The following UCKL1 variants were observed in gnomAD, a reference collection of about 807,000 sequenced individuals.
UCKL1 encodes uridine-cytidine kinase-like 1.
A neutral mutation model predicts 59.2 loss-of-function variants in UCKL1; 65 were observed. That is an observed-to-expected ratio of 1.10 (90% CI 0.90 to 1.35). UCKL1 has a LOEUF of 1.35. Among genes scored for constraint, UCKL1 ranks in the 40% most tolerant of loss-of-function variants. The pLI is 0.00. For missense variants in UCKL1, 703 were observed against 784.3 expected (o/e 0.90, Z 1.24); for synonymous variants, 410 against 323.1 (o/e 1.27, Z -2.88).
chr20:63,947,308 T>A (rs1220716688), intron 1 of UCKL1, among the ~76,000 whole-genome samples: 2 of 152,208 alleles, frequency 1.3e-5, no homozygotes, highest in Non-Finnish European at 2.9e-5. Context: ...GGACTCAAGG[T>A]GGGCCTGTGA....
chr20:63,951,355 G>C (rs1323595776), intron 1 of UCKL1, among the ~76,000 whole-genome samples: 1 of 152,124 alleles, frequency 6.6e-6, no homozygotes, highest in Non-Finnish European at 1.5e-5. Context: ...TGCGCCGTGT[G>C]CCTGCACCCC....
At position 63,939,954 on chromosome 20, in the gene UCKL1, G is replaced by T; in HGVS notation, c.*22C>A. 1 of 1,609,848 alleles carries T rather than the reference G, an allele frequency of 6.2e-7. No individual in the cohort carries two copies. Among genetic ancestry groups the T allele is most frequent in the Non-Finnish European group, 8.5e-7 (1 of 1,177,378 alleles). On this transcript the variant is annotated 3_prime_UTR_variant, in exon 15 of 15. Coordinates refer to ENST00000354216, the MANE Select transcript of UCKL1 (RefSeq NM_017859.4). ...CAGGAGGCAGGAGGAGGGTGGTGGGGACGGGATGGCTCACTGGGCAGCTAA... is the reference window on the plus strand; with the variant it reads ...CAGGAGGCAGGAGGAGGGTGGTGGGTACGGGATGGCTCACTGGGCAGCTAA...
chr20:63,942,007 C>A (rs943674804), intron 8 of UCKL1, among the ~76,000 whole-genome samples: 1 of 128,464 alleles, frequency 7.8e-6, no homozygotes, highest in East Asian at 2.4e-4. Flanking sequence ...GGGAAAGGGG[C>A]GGGGCCGGGA....
chr20:63,956,209 C>A, intron 1 of UCKL1, 51 bp downstream of exon 1: 1 of 1,447,608 alleles, frequency 6.9e-7, no homozygotes, highest in Non-Finnish European at 9.1e-7. Flanking sequence ...TCGGCCGGAT[C>A]TGCAGCCCCT....
In UCKL1 at chr20:63,940,854, G is replaced by A. The variant is rs2146351100; in HGVS notation, c.1119C>T (p.Asp373=). 1 of 1,539,486 alleles carries A rather than the reference G, an allele frequency of 6.5e-7. No homozygotes were observed. Among genetic ancestry groups the A allele is most frequent in the East Asian group, 2.3e-5 (1 of 44,208 alleles). The change falls in exon 11 of 15, where the codon GAC becomes GAT. Residue 373 remains aspartate, a splice_region_variant and synonymous_variant. Transcript: ENST00000354216. The stretch of plus-strand genomic sequence containing the variant: ...GCCCCTGCGGGGTCTGTACGACGCA[G>A]TCCTGTGGGGTGCAGGGTGAGGACT... ...EHALSFLPFQ[D]CVVQTPQGQD...
rs1038114878 is a variant in UCKL1 at position 63,945,837 on chromosome 20, C to T, written c.550G>A (p.Asp184Asn). 1 of 1,613,656 alleles carries T rather than the reference C, an allele frequency of 6.2e-7. No homozygotes were observed. The highest frequency in any genetic ancestry group is 2.2e-5 in the East Asian group (1 of 44,880). The change falls in exon 4 of 15, where the codon GAC becomes AAC. Residue 184 changes from aspartate to asparagine, a missense_variant. Physicochemically the swap from Asp to Asn is conservative, Grantham distance 23. Transcript: ENST00000354216. ...QGKSVKVPIY[D>N]FTTHSRKKDW... ...TTCTTCCGGCTGTGCGTGGTGAAGT[C>T]ATAAATGGGCACCTTGACACTCTTC... is the stretch of plus-strand genomic sequence containing the variant.
chr20:63,940,326 G>A lies in UCKL1; in HGVS notation c.1411-20C>T, dbSNP rs893836133. ...GTGGTCCTACCGAGTGTATTGGGCA[G>A]GTAAATCCCACCTCTGCCTGAACCT... On this transcript the variant is annotated intron_variant, in intron 13 of 14. Coordinates refer to ENST00000354216, the MANE Select transcript of UCKL1 (RefSeq NM_017859.4). The A allele has an allele frequency of 6.2e-6, 10 of 1,611,958 alleles. No individual in the cohort carries two copies. Among genetic ancestry groups the A allele is most frequent in the Non-Finnish European group, 8.5e-6 (10 of 1,179,542 alleles).
Position 63,941,671 on chromosome 20 carries a change from G to A in UCKL1, c.924-463C>T, listed in dbSNP as rs1273751515. 7 of 216,524 alleles carry A rather than the reference G, an allele frequency of 3.2e-5. No homozygotes were observed. The South Asian group carries it at 4.3e-4, about 13-fold the overall frequency. The allele number at this position is 216,524 out of a possible 1,614,324, so 13.4% of individuals were successfully genotyped here. Reference sequence around the variant, plus strand: ...AGGTGGTGCGCGGCCCCTCAAGAGAGGGGGGTGGGGGGCAAAGCTGGCTCA... The same window carrying A: ...AGGTGGTGCGCGGCCCCTCAAGAGAAGGGGGTGGGGGGCAAAGCTGGCTCA... On this transcript the variant is annotated intron_variant, in intron 8 of 14. Transcript: ENST00000354216.
rs145670009 is a variant in UCKL1 at position 63,942,422 on chromosome 20, C to T, written c.924-1214G>A. On this transcript the variant is annotated intron_variant, in intron 8 of 14. Transcript: ENST00000354216. Reference sequence around the variant, plus strand: ...CTAGCGGGAGCAGCGGGGCAAGGGGCTACGGGAAGGCGGGTCACACAGCAG... The same window carrying T: ...CTAGCGGGAGCAGCGGGGCAAGGGGTTACGGGAAGGCGGGTCACACAGCAG... 5.6e-4 allele frequency: 656 copies of T among 1,171,900 alleles called. 5 individuals carry two copies. In the African/African-American group the frequency reaches 1.0e-2, roughly 18 times the overall value. 72.6% of individuals were successfully genotyped at this position (1,171,900 alleles called of 1,614,324 possible).
chr20:63,944,656 G>C lies in UCKL1; in HGVS notation c.733C>G (p.Arg245Gly), dbSNP rs750379534. 1 of 1,612,810 alleles carries C rather than the reference G, an allele frequency of 6.2e-7. No individual in the cohort carries two copies. The change falls in exon 6 of 15, where the codon CGC becomes GGC. Residue 245 changes from arginine to glycine, a missense_variant. By Grantham distance (125) the Arg-to-Gly change is moderately radical. This residue lies in a region of UCKL1 where 398 missense variants were observed against 373.0 expected (regional missense o/e 1.07). Coordinates refer to ENST00000354216, the MANE Select transcript of UCKL1 (RefSeq NM_017859.4). ...ATGACACCCTCGATGTCCCGGCCGC[G>C]CTCACTGATGTCCCGGCGCAGCCGC... ...VRRLRRDISE[R>G]GRDIEGVIKQ...
At chr20:63,947,861 G>A (rs2056663298) in intron 1 of UCKL1, among the ~76,000 whole-genome samples, 1 of 152,238 alleles carries the variant, frequency 6.6e-6, no homozygotes, top group Admixed American at 6.5e-5. Context: ...TGCACGTGCT[G>A]GACCGGCACT....
intron 8 of UCKL1, 75 bp downstream of exon 8, chr20:63,943,578 C>T (rs2055279494): frequency 1.2e-6 from 2 of 1,605,902 alleles, no homozygotes; most frequent in Admixed American, 1.7e-5. Flanking sequence ...CTGGCTGGAT[C>T]ACAGCCCAGA....
chr20:63,944,273 T>C, intron 7 of UCKL1, 124 bp downstream of exon 7: 1 of 947,254 alleles, frequency 1.1e-6, no homozygotes, highest in South Asian at 1.6e-5. Flanking sequence ...CACTCAGGGC[T>C]GGCACCTGGC....
At chr20:63,950,648 G>A in intron 1 of UCKL1, 1 of 1,248,824 alleles carries the variant, frequency 8.0e-7, no homozygotes, top group Non-Finnish European at 1.0e-6. Flanking sequence ...GCACCTGCCA[G>A]CCTGTTTGAT....
At chr20:63,954,103 T>G (rs1287255181) in intron 1 of UCKL1, 2 of 152,632 alleles carry the variant, frequency 1.3e-5, no homozygotes, top group South Asian at 4.1e-4. Flanking sequence ...CCGGACTGAC[T>G]CAGGGAGAGT....
chr20:63,946,999 G>C (rs181869068), intron 1 of UCKL1, among the ~76,000 whole-genome samples: 1 of 151,982 alleles, frequency 6.6e-6, no homozygotes, highest in African/African-American at 2.4e-5. Flanking sequence ...CAGGAGAATG[G>C]CTTGAACCCG....
intron 1 of UCKL1, among the ~76,000 whole-genome samples, chr20:63,949,032 T>C (rs1358285195): frequency 6.6e-6 from 1 of 151,910 alleles, no homozygotes; most frequent in Non-Finnish European, 1.5e-5. Context: ...CAGAGAACAG[T>C]GTGGCAGCAT....
chr20:63,949,548 C>T (rs577214512), intron 1 of UCKL1, among the ~76,000 whole-genome samples: 1 of 152,336 alleles, frequency 6.6e-6, no homozygotes, highest in South Asian at 2.1e-4. Flanking sequence ...GGCCACCCCT[C>T]CCAGCAGGTG....
chr20:63,947,023 G>T (rs1443305394), intron 1 of UCKL1, among the ~76,000 whole-genome samples: 1 of 151,960 alleles, frequency 6.6e-6, no homozygotes, highest in Non-Finnish European at 1.5e-5. Flanking sequence ...GGTGGAGATT[G>T]CAATGAGCTA....
Sources: gnomAD v4.1 joint callset for allele counts (sites outside exome capture counted in the v4.1 genomes callset) on GRCh38, gnomAD v4.1.1 for gene constraint, gnomAD v4.1.1 regional missense constraint, MANE v1.5 for transcripts, NCBI Gene and HGNC (gene_info 2026-07-23, HGNC 2026-07-21) for gene names.